Variants in NR6A1 observed in about 807,000 individuals in gnomAD.
NR6A1 encodes the protein nuclear receptor subfamily 6 group A member 1.
In NR6A1, 7 loss-of-function variants were observed where a neutral mutation model predicts 59.1. The observed-to-expected ratio is 0.12, with a 90% CI of 0.07 to 0.22. The LOEUF (loss-of-function observed/expected upper bound fraction) is 0.22, where lower values mean the gene tolerates loss of function less well. Ranked by LOEUF, NR6A1 falls within the 10% of genes least tolerant of loss-of-function variation. NR6A1 has a pLI of 1.00. For missense variants in NR6A1, 468 were observed against 611.6 expected (o/e 0.77, Z 2.48); for synonymous variants, 243 against 236.1 (o/e 1.03, Z -0.27).
Position 124,521,939 on chromosome 9 carries a change from G to A in NR6A1, c.*766C>T, listed in dbSNP as rs1172498451. 3 of 152,294 alleles carry A rather than the reference G, an allele frequency of 2.0e-5. No individual in the cohort carries two copies. The highest frequency in any genetic ancestry group is 4.8e-5 in the African/African-American group (2 of 41,450). The allele number at this position is 152,294 out of a possible 1,614,324, so 9.4% of individuals were successfully genotyped here. On this transcript the variant is annotated 3_prime_UTR_variant, in exon 10 of 10. Coordinates refer to ENST00000487099, the MANE Select transcript of NR6A1 (RefSeq NM_033334.4). ...TGCCAGGACTTTGCCTAGATGGAAA[G>A]TTCGCAGTGGTAGACAATGATGGTG...
chr9:124,647,501 G>T (rs1007759974), intron 2 of NR6A1, among the ~76,000 whole-genome samples: 1 of 152,090 alleles, frequency 6.6e-6, no homozygotes, highest in East Asian at 1.9e-4. Flanking sequence ...GCTGAGGTGG[G>T]TGCATCACGT....
chr9:124,639,258 AT>A (rs1165783509), intron 2 of NR6A1, among the ~76,000 whole-genome samples: 1 of 152,244 alleles, frequency 6.6e-6, no homozygotes, highest in East Asian at 1.9e-4. Context: ...AGCTCATACA[AT>A]TAAAAATGCA....
intron 2 of NR6A1, among the ~76,000 whole-genome samples, chr9:124,582,671 G>A (rs1189134650): frequency 6.6e-6 from 1 of 152,098 alleles, no homozygotes; most frequent in African/African-American, 2.4e-5. Context: ...AGGACTGCTT[G>A]AGGCCAGGAA....
chr9:124,632,896 C>A (rs924027461), intron 2 of NR6A1, among the ~76,000 whole-genome samples: 25 of 152,100 alleles, frequency 1.6e-4, no homozygotes, highest in African/African-American at 5.8e-4. Context: ...TCAGTTTTCC[C>A]ATCTGGATAA....
chr9:124,590,281 T>C (rs1310037965), intron 2 of NR6A1, among the ~76,000 whole-genome samples: 2 of 151,918 alleles, frequency 1.3e-5, no homozygotes, highest in African/African-American at 4.8e-5. Context: ...TATTAAAATA[T>C]TCTATTTTGC....
intron 2 of NR6A1, among the ~76,000 whole-genome samples, chr9:124,611,086 A>G (rs544639367): frequency 4.6e-5 from 7 of 151,906 alleles, no homozygotes; most frequent in African/African-American, 1.4e-4. Flanking sequence ...AGGCAGGTAT[A>G]GTGGGCTTTG....
In NR6A1 at chr9:124,518,593, C is replaced by A. The variant is rs1157875972; in HGVS notation, c.*4112G>T. 7.2e-5 allele frequency: 11 copies of A among 152,174 alleles called. No individual in the cohort carries two copies. Among genetic ancestry groups the A allele is most frequent in the African/African-American group, 2.6e-4 (11 of 41,518 alleles). The allele number at this position is 152,174 out of a possible 1,614,324, so 9.4% of individuals were successfully genotyped here. On this transcript the variant is annotated 3_prime_UTR_variant, in exon 10 of 10. Coordinates refer to ENST00000487099, the MANE Select transcript of NR6A1 (RefSeq NM_033334.4). ...TCATCCTGACACACAGATAAAACAT[C>A]ATTTCACAGATACTGGACATAGATG... is the stretch of plus-strand genomic sequence containing the variant.
At chr9:124,706,634 CT>C (rs1317317065) in intron 2 of NR6A1, among the ~76,000 whole-genome samples, 1 of 152,078 alleles carries the variant, frequency 6.6e-6, no homozygotes, top group Non-Finnish European at 1.5e-5. Context: ...GCCTCAGCCT[CT>C]CCTGACATGA....
intron 2 of NR6A1, among the ~76,000 whole-genome samples, chr9:124,633,342 G>A (rs1036005469): frequency 6.8e-6 from 1 of 146,282 alleles, no homozygotes; most frequent in African/African-American, 2.6e-5. Context: ...GGCGGAGCTT[G>A]CAGTGAGTCG....
intron 2 of NR6A1, among the ~76,000 whole-genome samples, chr9:124,718,948 G>A (rs144455650): frequency 1.3e-5 from 2 of 151,234 alleles, no homozygotes; most frequent in African/African-American, 4.9e-5. Flanking sequence ...CCCAGTAGCT[G>A]GGATGACAGG....
chr9:124,564,492 T>G (rs1219201715), intron 2 of NR6A1, among the ~76,000 whole-genome samples: 4 of 152,198 alleles, frequency 2.6e-5, no homozygotes, highest in Non-Finnish European at 5.9e-5. Flanking sequence ...ATACCCAAGG[T>G]GTAATCTAAT....
chr9:124,743,031 A>G (rs1241909788), intron 1 of NR6A1, among the ~76,000 whole-genome samples: 2 of 152,210 alleles, frequency 1.3e-5, no homozygotes, highest in Admixed American at 1.3e-4. Flanking sequence ...CTTTTGGTAC[A>G]ATGAATGGCT....
At chr9:124,717,515 ACTAAT>A (rs1839439432) in intron 2 of NR6A1, among the ~76,000 whole-genome samples, 1 of 152,224 alleles carries the variant, frequency 6.6e-6, no homozygotes. Flanking sequence ...AACAGGCAAA[ACTAAT>A]CTATCATGAT....
In NR6A1 at chr9:124,757,768, G is replaced by T. The variant is rs189873536; in HGVS notation, c.100+13252C>A. ...AAGCACTTCCAACTGTGTTTCCCAG[G>T]GTATGTTCCTTAGACAACGCTTTAA... On this transcript the variant is annotated intron_variant, in intron 1 of 9. Coordinates refer to ENST00000487099, the MANE Select transcript of NR6A1 (RefSeq NM_033334.4). 2.0e-5 allele frequency among the ~76,000 whole-genome samples: 3 copies of T among 152,174 alleles called. No individual in the cohort carries two copies. The East Asian group carries it at 5.8e-4, about 29-fold the overall frequency.
intron 2 of NR6A1, among the ~76,000 whole-genome samples, chr9:124,672,754 G>A (rs933361573): frequency 1.3e-5 from 2 of 152,110 alleles, no homozygotes; most frequent in East Asian, 3.8e-4. Context: ...GTATGTCAGT[G>A]TGGTGGGTAT....
intron 2 of NR6A1, among the ~76,000 whole-genome samples, chr9:124,645,167 CACAT>C (rs893339548): frequency 4.6e-5 from 7 of 151,932 alleles, no homozygotes; most frequent in Non-Finnish European, 1.0e-4. Flanking sequence ...AAAATGGAAA[CACAT>C]AAAATGCTCA....
At chr9:124,599,606 G>A (rs1444697475) in intron 2 of NR6A1, 7 of 1,170,138 alleles carry the variant, frequency 6.0e-6, no homozygotes, top group East Asian at 6.9e-5. Flanking sequence ...GCGGCCGCTC[G>A]GCTGAGTCGG....
intron 1 of NR6A1, among the ~76,000 whole-genome samples, chr9:124,744,569 T>C (rs1840270020): frequency 1.3e-5 from 2 of 152,190 alleles, no homozygotes; most frequent in South Asian, 2.1e-4. Context: ...CTTAGCATAA[T>C]CTCAAAGAGC....
At chr9:124,651,027 AAAC>A (rs2130921286) in intron 2 of NR6A1, among the ~76,000 whole-genome samples, 2 of 152,266 alleles carry the variant, frequency 1.3e-5, no homozygotes, top group South Asian at 4.1e-4. Context: ...AAAAACAAGC[AAAC>A]AACAATCTGA....
Sources: allele counts gnomAD v4.1 joint callset (sites outside exome capture counted in the v4.1 genomes callset), GRCh38; gene constraint gnomAD v4.1.1; transcripts MANE v1.5; gene names NCBI Gene and HGNC (gene_info 2026-07-23, HGNC 2026-07-21).